The following PDE1C variants were observed in gnomAD, a reference collection of about 807,000 sequenced individuals.
The protein encoded by PDE1C is dual specificity calcium/calmodulin-dependent 3',5'-cyclic nucleotide phosphodiesterase 1C.
Under a neutral mutation model 93.1 loss-of-function variants are expected in PDE1C, and 62 were observed. The observed-to-expected ratio is 0.67, with a 90% CI of 0.54 to 0.82. The LOEUF (loss-of-function observed/expected upper bound fraction) is 0.82, where lower values mean the gene tolerates loss of function less well. Among genes scored for constraint, PDE1C ranks in the 40% least tolerant of loss-of-function variants. PDE1C has a pLI of 0.00. For missense variants in PDE1C, 742 were observed against 884.6 expected (o/e 0.84, Z 2.04); for synonymous variants, 325 against 310.1 (o/e 1.05, Z -0.50).
intron 1 of PDE1C, among the ~76,000 whole-genome samples, chr7:32,260,754 A>G (rs903347808): frequency 1.3e-5 from 2 of 151,296 alleles, no homozygotes; most frequent in Non-Finnish European, 2.9e-5. Flanking sequence ...AATTTATAAC[A>G]GCCCTTTCCC....
At chr7:31,954,642 T>C (rs1807874946) in intron 2 of PDE1C, among the ~76,000 whole-genome samples, 1 of 152,198 alleles carries the variant, frequency 6.6e-6, no homozygotes. Flanking sequence ...TATCTATCTA[T>C]TCTTTTCTCC....
intron 1 of PDE1C, among the ~76,000 whole-genome samples, chr7:32,407,941 A>T (rs1785090093): frequency 6.6e-6 from 1 of 152,180 alleles, no homozygotes; most frequent in Non-Finnish European, 1.5e-5. Flanking sequence ...AAGTCTTCAA[A>T]GAGATTTGTA....
intron 2 of PDE1C, among the ~76,000 whole-genome samples, chr7:31,984,615 A>T (rs940108280): frequency 6.6e-6 from 1 of 152,324 alleles, no homozygotes; most frequent in Non-Finnish European, 1.5e-5. Flanking sequence ...CACTGCGTGC[A>T]CACTGGGCTC....
intron 1 of PDE1C, among the ~76,000 whole-genome samples, chr7:32,063,893 A>G (rs947186795): frequency 6.6e-6 from 1 of 152,074 alleles, no homozygotes; most frequent in Non-Finnish European, 1.5e-5. Context: ...TGTTTCCCTC[A>G]ATATATTCTA....
intron 1 of PDE1C, among the ~76,000 whole-genome samples, chr7:32,376,713 A>T (rs1261763985): frequency 6.6e-6 from 1 of 152,028 alleles, no homozygotes; most frequent in East Asian, 1.9e-4. Context: ...TTTGAGACCA[A>T]GTCTCACTCT....
chr7:31,720,339 G>C, the PDE1C span, among the ~76,000 whole-genome samples: 5,140 of 152,160 alleles, frequency 0.034, 325 homozygotes, highest in African/African-American at 0.12. Flanking sequence ...TAGGGCCCTT[G>C]AGAGCAGGGT....
At chr7:32,087,776 T>C (rs967452926) in intron 3 of PDE1C, among the ~76,000 whole-genome samples, 2 of 150,442 alleles carry the variant, frequency 1.3e-5, no homozygotes, top group Admixed American at 6.7e-5. Context: ...CCACATGTTC[T>C]CACTCATAGG....
chr7:31,850,034 T>C (rs1047599653), intron 8 of PDE1C, among the ~76,000 whole-genome samples: 30 of 152,220 alleles, frequency 2.0e-4, no homozygotes, highest in African/African-American at 7.0e-4. Flanking sequence ...CCATATTTAA[T>C]GTCTCCGACG....
At chr7:31,777,466 C>A (rs1171270509) in intron 16 of PDE1C, among the ~76,000 whole-genome samples, 4 of 152,112 alleles carry the variant, frequency 2.6e-5, no homozygotes. Flanking sequence ...GTAGCTGAGA[C>A]TACAGGCATC....
intron 2 of PDE1C, among the ~76,000 whole-genome samples, chr7:32,206,106 A>T (rs1805475080): frequency 6.6e-6 from 1 of 152,140 alleles, no homozygotes; most frequent in Non-Finnish European, 1.5e-5. Flanking sequence ...CACAGAATTC[A>T]TAATTCTGGA....
chr7:32,330,307 C>T (rs1267769893), intron 1 of PDE1C, among the ~76,000 whole-genome samples: 7 of 152,232 alleles, frequency 4.6e-5, no homozygotes, highest in Admixed American at 2.0e-4. Flanking sequence ...TCTGGCTCCA[C>T]GGCCTTGCTC....
intron 3 of PDE1C, among the ~76,000 whole-genome samples, chr7:32,127,310 A>G (rs1799644882): frequency 6.6e-6 from 1 of 152,070 alleles, no homozygotes; most frequent in Admixed American, 6.6e-5. Context: ...TTGCATAAAT[A>G]TACGTCCTAT....
At chr7:31,627,264 T>G in the PDE1C span, among the ~76,000 whole-genome samples, 3 of 152,188 alleles carry the variant, frequency 2.0e-5, no homozygotes, top group African/African-American at 7.2e-5. Context: ...CAAATAATTT[T>G]ATCAAAATTT....
intron 1 of PDE1C, among the ~76,000 whole-genome samples, chr7:32,056,411 A>C: frequency 7.2e-6 from 1 of 139,332 alleles, no homozygotes. Flanking sequence ...ACACAGCTTC[A>C]TCTGTTTGTC....
At chr7:32,181,484 A>G (rs1468955611) in intron 2 of PDE1C, among the ~76,000 whole-genome samples, 5 of 152,176 alleles carry the variant, frequency 3.3e-5, no homozygotes, top group Admixed American at 2.6e-4. Flanking sequence ...TAGAACTCAG[A>G]ATTAAGAAAC....
intron 15 of PDE1C, 21 bp from the exon 16 acceptor site, chr7:31,809,129 A>T: frequency 7.3e-7 from 1 of 1,375,310 alleles, no homozygotes; most frequent in Non-Finnish European, 1.0e-6. Flanking sequence ...TAAACATGAC[A>T]AACAGTATAT....
intron 3 of PDE1C, among the ~76,000 whole-genome samples, chr7:32,084,113 C>G (rs375977366): frequency 6.6e-6 from 1 of 152,032 alleles, no homozygotes; most frequent in Admixed American, 6.5e-5. Flanking sequence ...ACCCATCTCA[C>G]GTGCAGAGAC....
intron 3 of PDE1C, among the ~76,000 whole-genome samples, chr7:32,141,574 A>G (rs986870216): frequency 8.5e-5 from 13 of 152,216 alleles, no homozygotes; most frequent in Non-Finnish European, 1.6e-4. Flanking sequence ...AAACCCAAAC[A>G]GAGAGATGAT....
intron 1 of PDE1C, among the ~76,000 whole-genome samples, chr7:32,378,784 C>A (rs1386490828): frequency 6.6e-6 from 1 of 152,070 alleles, no homozygotes; most frequent in Admixed American, 6.5e-5. Context: ...CATTTCCTAG[C>A]CACCTACACC....
Sources: gnomAD v4.1 joint callset for allele counts (sites outside exome capture counted in the v4.1 genomes callset) on GRCh38, gnomAD v4.1.1 for gene constraint, MANE v1.5 for transcripts, NCBI Gene and HGNC (gene_info 2026-07-23, HGNC 2026-07-21) for gene names.